RNF25: variants seen among roughly 807,000 people sequenced by gnomAD.
The protein encoded by RNF25 is E3 ubiquitin-protein ligase RNF25.
A neutral mutation model predicts 65.0 loss-of-function variants in RNF25; 32 were observed. The observed-to-expected ratio is 0.49, with a 90% CI of 0.37 to 0.66. The LOEUF is 0.66. Ranked by LOEUF, RNF25 falls within the 30% of genes least tolerant of loss-of-function variation. RNF25 has a pLI of 0.00. For missense variants in RNF25, 493 were observed against 584.8 expected, an observed-to-expected ratio of 0.84 and a Z score of 1.62; for synonymous variants, 207 against 221.2, an observed-to-expected ratio of 0.94 and a Z score of 0.57.
At chr2:218,665,346 G>A in intron 7 of RNF25, 99 bp from the exon 8 acceptor site, 1 of 1,004,666 alleles carries the variant, frequency 1.0e-6, no homozygotes, top group Non-Finnish European at 1.5e-6. Context: ...GGGACTAAAG[G>A]GCACAGGGAC....
intron 5 of RNF25, among the ~76,000 whole-genome samples, chr2:218,666,988 G>A (rs1312600226): frequency 6.6e-6 from 1 of 152,050 alleles, no homozygotes; most frequent in African/African-American, 2.4e-5. Flanking sequence ...GGCCAACATG[G>A]AGAAACCCCA....
intron 5 of RNF25, 133 bp downstream of exon 5, chr2:218,667,779 C>T: frequency 1.3e-6 from 1 of 775,262 alleles, no homozygotes. Context: ...AGTCTCATTT[C>T]TCTGGATTAA....
At chr2:218,666,349 T>C (rs1025420683) in intron 5 of RNF25, 119 bp from the exon 6 acceptor site, 7 of 755,102 alleles carry the variant, frequency 9.3e-6, no homozygotes, top group Non-Finnish European at 1.6e-5. Context: ...TTTGTTACCT[T>C]GTGTTTATGC....
chr2:218,669,522 C>T (rs927106026), intron 1 of RNF25, among the ~76,000 whole-genome samples: 3 of 152,290 alleles, frequency 2.0e-5, no homozygotes, highest in Admixed American at 6.5e-5. Context: ...TATTTATGAC[C>T]TGGCTGTCTG....
chr2:218,666,148 G>C lies in RNF25; in HGVS notation c.429+11C>G. On this transcript the variant is annotated intron_variant, in intron 6 of 9. Transcript: ENST00000295704. ...CCAAACAGAATGCCAGGTCCCAAGA[G>C]AGAAACCCACCTGGAAACCATAGAG... 6.2e-7 allele frequency: 1 copy of C among 1,613,834 alleles called. No homozygotes were observed. Among genetic ancestry groups the C allele is most frequent in the Non-Finnish European group, 8.5e-7 (1 of 1,179,744 alleles).
chr2:218,671,080 G>A (rs953230126), intron 1 of RNF25, among the ~76,000 whole-genome samples: 3 of 152,148 alleles, frequency 2.0e-5, no homozygotes, highest in Admixed American at 2.0e-4. Flanking sequence ...GGCTGAGGCA[G>A]AAGGATCACC....
chr2:218,665,077 G>A, intron 8 of RNF25, 78 bp downstream of exon 8: 2 of 1,493,746 alleles, frequency 1.3e-6, no homozygotes, highest in Non-Finnish European at 1.9e-6. Context: ...GATCCCATTT[G>A]ACACAGACAA....
At position 218,663,997 on chromosome 2, in the gene RNF25, C is replaced by T. The variant is rs143196085; in HGVS notation, c.1340G>A (p.Arg447Gln). 1.2e-5 allele frequency: 18 copies of T among 1,466,872 alleles called. No homozygotes were observed. The highest frequency in any genetic ancestry group is 1.8e-4 in the Middle Eastern group (1 of 5,444). The allele number at this position is 1,466,872 out of a possible 1,614,324, so 90.9% of individuals were successfully genotyped here. ...AGATTCCAGGCCCAGGGACTCCCTCCGAGTACCAGGCCGGTATGCTCCCTG... is the reference window on the plus strand; with the variant it reads ...AGATTCCAGGCCCAGGGACTCCCTCTGAGTACCAGGCCGGTATGCTCCCTG... ...RGQGAYRPGT[R>Q]RESLGLESKD... is the part of the protein sequence containing the mutation. The change falls in exon 10 of 10, where the codon CGG becomes CAG. Residue 447 changes from arginine to glutamine, a missense_variant. Around this residue, in one of 3 missense-constraint regions of RNF25, gnomAD observed 351 missense variants for 400.2 expected, o/e 0.88. Transcript: ENST00000295704.
At chr2:218,666,518 C>A (rs1939828497) in intron 5 of RNF25, among the ~76,000 whole-genome samples, 1 of 152,112 alleles carries the variant, frequency 6.6e-6, no homozygotes, top group Non-Finnish European at 1.5e-5. Context: ...AAATAATACA[C>A]CTTGAGAAAA....
chr2:218,668,478 G>A (rs1349494506), intron 2 of RNF25, 127 bp downstream of exon 2: 3 of 978,864 alleles, frequency 3.1e-6, no homozygotes, highest in Admixed American at 3.5e-5. Flanking sequence ...TAAAGGAATA[G>A]CTTTTGTCTA....
intron 8 of RNF25, 108 bp downstream of exon 8, chr2:218,665,047 A>G: frequency 7.0e-7 from 1 of 1,428,574 alleles, no homozygotes; most frequent in South Asian, 1.2e-5. Flanking sequence ...GGTCCTAGGC[A>G]GTTCAAGCCC....
At chr2:218,665,534 T>C (rs1939805600) in intron 7 of RNF25, among the ~76,000 whole-genome samples, 1 of 151,828 alleles carries the variant, frequency 6.6e-6, no homozygotes, top group Non-Finnish European at 1.5e-5. Context: ...CTTGAGGTCA[T>C]GAGTTTGAGA....
intron 6 of RNF25, 22 bp from the exon 7 acceptor site, chr2:218,666,081 G>T (rs1939820000): frequency 1.2e-6 from 2 of 1,612,680 alleles, no homozygotes; most frequent in Non-Finnish European, 1.7e-6. Flanking sequence ...GCAGATGTAG[G>T]GCACTAAGTC....
intron 1 of RNF25, among the ~76,000 whole-genome samples, chr2:218,671,579 G>A (rs915639825): frequency 1.3e-5 from 2 of 152,216 alleles, no homozygotes; most frequent in African/African-American, 4.8e-5. Flanking sequence ...GGTTCTGAGA[G>A]GAGAAAGGGA....
chr2:218,668,005 T>A (rs1228776953), intron 4 of RNF25, 24 bp from the exon 5 acceptor site: 2 of 1,613,962 alleles, frequency 1.2e-6, no homozygotes, highest in South Asian at 2.2e-5. Context: ...GCAAACCAAA[T>A]ATTAGACCTG....
chr2:218,667,444 G>A (rs775142722), intron 5 of RNF25, among the ~76,000 whole-genome samples: 29 of 150,632 alleles, frequency 1.9e-4, no homozygotes, highest in Non-Finnish European at 3.1e-4. Context: ...TCCGCCTCCC[G>A]GGTTCAAGCG....
At position 218,664,077 on chromosome 2, in the gene RNF25, C is replaced by T; in HGVS notation, c.1260G>A (p.Trp420Ter). 1 of 1,510,896 alleles carries T rather than the reference C, an allele frequency of 6.6e-7. No homozygotes were observed. The highest frequency in any genetic ancestry group is 8.8e-7 in the Non-Finnish European group (1 of 1,130,580). 93.6% of individuals were successfully genotyped at this position (1,510,896 alleles called of 1,614,324 possible). ...PPRRTRDCVRWERSKGRTPGS... is the reference protein window; with the variant it reads ...PPRRTRDCVR ...CGGGTGTCCGGCCTTTAGAGCGCTC[C>T]CAGCGAACACAGTCCCGAGTCCTGC... is the stretch of plus-strand genomic sequence containing the variant. The change falls in exon 10 of 10, where the codon TGG (tryptophan) becomes TGA (stop). Residue 420 changes from tryptophan to a stop codon, truncating the protein, a stop_gained. Transcript: ENST00000295704. LOFTEE classifies it high-confidence loss of function. The surrounding 1 kb of genome is among the most constrained non-coding windows in gnomAD (Gnocchi z 5.1).
chr2:218,668,464 G>C lies in RNF25; in HGVS notation c.117-123C>G, dbSNP rs1371848712. The C allele has an allele frequency of 5.1e-6, 5 of 975,150 alleles. No homozygotes were observed. In the African/African-American group the frequency reaches 8.0e-5, roughly 16 times the overall value. 60.4% of individuals were successfully genotyped at this position (975,150 alleles called of 1,614,324 possible). ...ACATTGGACTCTTTCTTTTGGGGTA[G>C]GATTAAAGGAATAGCTTTTGTCTAC... On this transcript the variant is annotated intron_variant, in intron 2 of 9. Coordinates refer to ENST00000295704, the MANE Select transcript of RNF25 (RefSeq NM_022453.3).
At chr2:218,665,081 C>G in intron 8 of RNF25, 74 bp downstream of exon 8, 1 of 1,508,408 alleles carries the variant, frequency 6.6e-7, no homozygotes, top group Non-Finnish European at 9.2e-7. Flanking sequence ...CCATTTGACA[C>G]AGACAAGATG....
Sources: gnomAD v4.1 joint callset for allele counts (sites outside exome capture counted in the v4.1 genomes callset) on GRCh38, gnomAD v4.1.1 for gene constraint, gnomAD v4.1.1 regional missense constraint, Gnocchi (gnomAD v3.1) non-coding constraint, MANE v1.5 for transcripts, NCBI Gene and HGNC (gene_info 2026-07-23, HGNC 2026-07-21) for gene names.